Variants in ACTG1 observed in about 807,000 individuals in gnomAD.
ACTG1 encodes the protein actin, cytoplasmic 2.
A neutral mutation model predicts 34.3 loss-of-function variants in ACTG1; 14 were observed. The ratio of observed to expected loss-of-function variants is 0.41; its 90% CI spans 0.27 to 0.64. ACTG1 has a LOEUF of 0.64. Among genes scored for constraint, ACTG1 ranks in the 30% least tolerant of loss-of-function variants. The probability of loss-of-function intolerance (pLI) is 0.33; values close to 1 mark genes in which losing one functional copy is unlikely to be tolerated. For missense variants in ACTG1, 233 were observed against 529.5 expected, an observed-to-expected ratio of 0.44 and a Z score of 5.50; for synonymous variants, 422 against 213.9, an observed-to-expected ratio of 1.97 and a Z score of -8.49.
intron 3 of ACTG1, 120 bp from the exon 4 acceptor site, chr17:81,511,746 G>T (rs782373568): frequency 6.6e-7 from 1 of 1,520,984 alleles, no homozygotes; most frequent in Non-Finnish European, 8.9e-7. Context: ...AACGCAGGCA[G>T]AAACCAAATG....
intron 5 of ACTG1, 27 bp downstream of exon 5, chr17:81,510,900 C>A (rs782785263): frequency 2.5e-6 from 4 of 1,613,854 alleles, no homozygotes; most frequent in South Asian, 2.2e-5. Context: ...CCGAGCCAGG[C>A]AGAGGGCCAC....
Position 81,510,151 on chromosome 17 carries a change from G to C in ACTG1, c.*539C>G, listed in dbSNP as rs1386132203. 1.9e-6 allele frequency: 1 copy of C among 518,316 alleles called. No homozygotes were observed. The highest frequency in any genetic ancestry group is 3.5e-6 in the Non-Finnish European group (1 of 285,734). The allele number at this position is 518,316 out of a possible 1,614,324, so 32.1% of individuals were successfully genotyped here. ...ACATTTACAGGCGTAAATGCAAACC[G>C]CTTCCAACTCAAAGCAAGTAACAGC... On this transcript the variant is annotated 3_prime_UTR_variant, in exon 6 of 6. Coordinates refer to ENST00000573283, the MANE Select transcript of ACTG1 (RefSeq NM_001614.5).
In ACTG1 at chr17:81,512,366, CGGA is replaced by C. The variant is rs1568063416; in HGVS notation, c.-6-9_-6-7del. 1 of 1,613,918 alleles carries C rather than the reference CGGA, an allele frequency of 6.2e-7. No individual in the cohort carries two copies. The highest frequency in any genetic ancestry group is 1.7e-5 in the Admixed American group (1 of 60,030). On this transcript the variant is annotated splice_region_variant and splice_polypyrimidine_tract_variant and intron_variant, in intron 1 of 5. Transcript: ENST00000573283. Reference sequence around the variant, plus strand: ...ATCTCTTCTTCCATTGCGACCTGCCCGGAAAAGGATGGACTCAGGCGGGCGCGT... The same window carrying C: ...ATCTCTTCTTCCATTGCGACCTGCCCAAAGGATGGACTCAGGCGGGCGCGT...
At chr17:81,511,138 C>CTGTGTCACCGAGGA (rs781839183) in intron 4 of ACTG1, 30 bp from the exon 5 acceptor site, 2 of 1,613,852 alleles carry the variant, frequency 1.2e-6, no homozygotes, top group Non-Finnish European at 1.7e-6. Context: ...CTTAGTGATG[C>CTGTGTCACCGAGGA]TGTGTCACCG....
Position 81,511,399 on chromosome 17 carries a change from G to C in ACTG1, c.591C>G (p.Gly197=), listed in dbSNP as rs547114591. 6 of 1,613,974 alleles carry C rather than the reference G, an allele frequency of 3.7e-6. No homozygotes were observed. The African/African-American group carries it at 6.7e-5, about 18-fold the overall frequency. Residue 197 remains glycine, a synonymous_variant, in exon 4 of 6, where the codon GGC becomes GGG. Coordinates refer to ENST00000573283, the MANE Select transcript of ACTG1 (RefSeq NM_001614.5). Reference sequence around the variant, plus strand: ...GCTCGGCCGTGGTGGTGAAGCTGTAGCCTCGCTCAGTGAGGATCTTCATGA... The same window carrying C: ...GCTCGGCCGTGGTGGTGAAGCTGTACCCTCGCTCAGTGAGGATCTTCATGA... ...DYLMKILTER[G]YSFTTTAERE... is the part of the protein sequence containing the mutation.
Position 81,511,246 on chromosome 17 carries a change from G to C in ACTG1, c.744C>G (p.Ile248Met). The change falls in exon 4 of 6, where the codon ATC (isoleucine) becomes ATG (methionine). Residue 248 changes from isoleucine (I) to methionine (M), a missense_variant. Ile to Met is a conservative substitution (Grantham distance 10). Transcript: ENST00000573283. ...ACCGGAACCGCTCATTGCCAATGGT[G>C]ATGACCTGGCCATCGGGCAGCTCGT... ...KSYELPDGQV[I>M]TIGNERFRCP... The C allele has an allele frequency of 6.2e-7, 1 of 1,613,800 alleles. No individual in the cohort carries two copies. Among genetic ancestry groups the C allele is most frequent in the Non-Finnish European group, 8.5e-7 (1 of 1,180,040 alleles).
rs781827845 is a variant in ACTG1, at chr17:81,511,425, G to A, written c.565C>T (p.Leu189Phe). The change falls in exon 4 of 6, where the codon CTC becomes TTC. Residue 189 changes from leucine to phenylalanine, a missense_variant. By Grantham distance (22) the Leu-to-Phe change is conservative. Coordinates refer to ENST00000573283, the MANE Select transcript of ACTG1 (RefSeq NM_001614.5). ...DLAGRDLTDY[L>F]MKILTERGYS... Reference sequence around the variant, plus strand: ...CCTCGCTCAGTGAGGATCTTCATGAGGTAGTCGGTCAGGTCCCGGCCAGCC... The same window carrying A: ...CCTCGCTCAGTGAGGATCTTCATGAAGTAGTCGGTCAGGTCCCGGCCAGCC... 1.2e-6 allele frequency: 2 copies of A among 1,613,944 alleles called. No individual in the cohort carries two copies. Among genetic ancestry groups the A allele is most frequent in the Non-Finnish European group, 8.5e-7 (1 of 1,180,048 alleles).
In ACTG1 at chr17:81,511,895, A is replaced by T; in HGVS notation, c.363+8T>A. On this transcript the variant is annotated splice_region_variant and intron_variant, in intron 3 of 5. Coordinates refer to ENST00000573283, the MANE Select transcript of ACTG1 (RefSeq NM_001614.5). Reference sequence around the variant, plus strand: ...ACGGGAGGAGCACGGGCGTCGGCCGAGCCTCACCTGAGTCATCTTCTCTCT... The same window carrying T: ...ACGGGAGGAGCACGGGCGTCGGCCGTGCCTCACCTGAGTCATCTTCTCTCT... 1 of 1,614,078 alleles carries T rather than the reference A, an allele frequency of 6.2e-7. No homozygotes were observed. The highest frequency in any genetic ancestry group is 8.5e-7 in the Non-Finnish European group (1 of 1,179,986).
chr17:81,511,814 GAA>G lies in ACTG1; in HGVS notation c.363+87_363+88del, dbSNP rs1568062107. 1.9e-6 allele frequency: 3 copies of G among 1,600,396 alleles called. No individual in the cohort carries two copies. In the South Asian group the frequency reaches 3.3e-5, roughly 18 times the overall value. On this transcript the variant is annotated intron_variant, in intron 3 of 5. Coordinates refer to ENST00000573283, the MANE Select transcript of ACTG1 (RefSeq NM_001614.5). ...GGAGAGGAACAGAGCCTGGAACAGC[GAA>G]AGAAACACTTAAATGTCAGAAATCA...
At chr17:81,512,561 C>A in intron 1 of ACTG1, 173 bp downstream of exon 1, 1 of 839,562 alleles carries the variant, frequency 1.2e-6, no homozygotes, top group South Asian at 1.6e-5. Flanking sequence ...TGCGGCCGGG[C>A]CCCGCCCTGG....
rs780514084 is a variant in ACTG1, at chr17:81,511,792, G to A, written c.363+111C>T. On this transcript the variant is annotated intron_variant, in intron 3 of 5. Transcript: ENST00000573283. ...AGGCTTCAGGGAGGAAATGCCGGGA[G>A]AGGAACAGAGCCTGGAACAGCGAAA... 2.7e-5 allele frequency: 42 copies of A among 1,577,946 alleles called. No homozygotes were observed. In the South Asian group the frequency reaches 2.9e-4, roughly 11 times the overall value.
intron 1 of ACTG1, 48 bp from the exon 2 acceptor site, chr17:81,512,408 C>A (rs901408100): frequency 6.2e-7 from 1 of 1,613,470 alleles, no homozygotes; most frequent in Non-Finnish European, 8.5e-7. Flanking sequence ...TAACACGGTC[C>A]CCTCCCCACA....
In ACTG1 at chr17:81,511,670, C is replaced by A. The variant is rs528687538; in HGVS notation, c.364-44G>T. The A allele has an allele frequency of 2.5e-6, 4 of 1,587,322 alleles. No homozygotes were observed. The Admixed American group carries it at 6.8e-5, about 27-fold the overall frequency. Reference sequence around the variant, plus strand: ...CGGCTTAGTCAGGGACAGAGACCCACGGCCACCCCATGCTCACACGCCACA... The same window carrying A: ...CGGCTTAGTCAGGGACAGAGACCCAAGGCCACCCCATGCTCACACGCCACA... On this transcript the variant is annotated intron_variant, in intron 3 of 5. Transcript: ENST00000573283.
chr17:81,510,986 T>C lies in ACTG1; in HGVS notation c.925A>G (p.Ile309Val), dbSNP rs1555666478. ...LSGGTTMYPG[I>V]ADRMQKEITA... Reference sequence around the variant, plus strand: ...ATCTCCTTCTGCATCCTGTCGGCAATGCCCGGGTACATGGTGGTGCCGCCC... The same window carrying C: ...ATCTCCTTCTGCATCCTGTCGGCAACGCCCGGGTACATGGTGGTGCCGCCC... The change falls in exon 5 of 6, where the codon ATT (isoleucine) becomes GTT (valine). Residue 309 changes from isoleucine (I) to valine (V), a missense_variant. Ile to Val is a conservative substitution (Grantham distance 29, BLOSUM62 3). Coordinates refer to ENST00000573283, the MANE Select transcript of ACTG1 (RefSeq NM_001614.5). The C allele has an allele frequency of 3.1e-6, 5 of 1,614,056 alleles. No individual in the cohort carries two copies. Among genetic ancestry groups the C allele is most frequent in the South Asian group, 1.1e-5 (1 of 91,080 alleles).
chr17:81,510,063 GTCATC>G lies in ACTG1; in HGVS notation c.*622_*626del, dbSNP rs1568058754. The G allele has an allele frequency of 2.2e-6, 1 of 453,400 alleles. No individual in the cohort carries two copies. Among genetic ancestry groups the G allele is most frequent in the Admixed American group, 2.4e-5 (1 of 42,086 alleles). The allele number at this position is 453,400 out of a possible 1,614,324, so 28.1% of individuals were successfully genotyped here. On this transcript the variant is annotated 3_prime_UTR_variant, in exon 6 of 6. Transcript: ENST00000573283. ...TAACAGTAGAAAACCAAAATTTGTT[GTCATC>G]TCTTCAAAGAATCGAGAATTGCGTA...
chr17:81,511,244 G>A lies in ACTG1; in HGVS notation c.746C>T (p.Thr249Ile). 1 of 1,613,806 alleles carries A rather than the reference G, an allele frequency of 6.2e-7. No homozygotes were observed. Among genetic ancestry groups the A allele is most frequent in the Non-Finnish European group, 8.5e-7 (1 of 1,180,050 alleles). The stretch of plus-strand genomic sequence containing the variant: ...ACACCGGAACCGCTCATTGCCAATG[G>A]TGATGACCTGGCCATCGGGCAGCTC... ...SYELPDGQVITIGNERFRCPE... is the reference protein window; with the variant it reads ...SYELPDGQVIIIGNERFRCPE... The change falls in exon 4 of 6, where the codon ACC becomes ATC. Residue 249 changes from threonine to isoleucine, a missense_variant. Physicochemically the swap from Thr to Ile is moderately conservative, Grantham distance 89 (BLOSUM62 -1). Transcript: ENST00000573283.
Position 81,510,819 on chromosome 17 carries a change from T to C in ACTG1, c.999A>G (p.Pro333=). ...CGATCCACACCGAGTACTTGCGCTCTGGGGGTGCGATGATCTGCAAAGACA... is the reference window on the plus strand; with the variant it reads ...CGATCCACACCGAGTACTTGCGCTCCGGGGGTGCGATGATCTGCAAAGACA... The part of the protein sequence containing the change: ...STMKIKIIAP[P]ERKYSVWIGG... The change falls in exon 6 of 6, where the codon CCA becomes CCG. Residue 333 remains proline (P), a synonymous_variant. Coordinates refer to ENST00000573283, the MANE Select transcript of ACTG1 (RefSeq NM_001614.5). 1 of 1,613,960 alleles carries C rather than the reference T, an allele frequency of 6.2e-7. No individual in the cohort carries two copies. Among genetic ancestry groups the C allele is most frequent in the Non-Finnish European group, 8.5e-7 (1 of 1,179,988 alleles).
intron 1 of ACTG1, 173 bp from the exon 2 acceptor site, chr17:81,512,533 C>G: frequency 9.1e-7 from 1 of 1,096,972 alleles, no homozygotes; most frequent in East Asian, 2.6e-5. Flanking sequence ...GTAACGTCCA[C>G]GGCTCGGAAG....
Position 81,512,206 on chromosome 17 carries a change from G to A in ACTG1, c.123+26C>T, listed in dbSNP as rs183867515. The A allele has an allele frequency of 3.2e-4, 517 of 1,613,392 alleles. 2 individuals carry two copies. Among genetic ancestry groups the A allele is most frequent in the Middle Eastern group, 3.0e-3 (18 of 6,062 alleles). On this transcript the variant is annotated intron_variant, in intron 2 of 5. Transcript: ENST00000573283. The stretch of plus-strand genomic sequence containing the variant: ...AACCCACCCCGCAACGCAGAACCCA[G>A]GAGCCCCGCGGCGCCATCCACTCAC...
Sources: allele counts gnomAD v4.1 joint callset, GRCh38; gene constraint gnomAD v4.1.1; transcripts MANE v1.5; gene names NCBI Gene and HGNC (gene_info 2026-07-23, HGNC 2026-07-21).